The following SHANK2 variants were observed in gnomAD, a reference collection of about 807,000 sequenced individuals.
The protein encoded by SHANK2 is SH3 and multiple ankyrin repeat domains protein 2.
In SHANK2, 43 loss-of-function variants were observed where a neutral mutation model predicts 133.7. The observed-to-expected ratio is 0.32, with a 90% CI of 0.25 to 0.41. The LOEUF is 0.41. SHANK2 is among the 10% of genes least tolerant of loss of function. SHANK2 has a pLI of 1.00. For missense variants in SHANK2, 1,994 were observed against 2,235.8 expected (o/e 0.89, Z 2.18); for synonymous variants, 1,017 against 952.8 (o/e 1.07, Z -1.24).
At chr11:71,204,421 A>T (rs1302314279) in intron 2 of SHANK2, among the ~76,000 whole-genome samples, 4 of 152,122 alleles carry the variant, frequency 2.6e-5, no homozygotes, top group African/African-American at 9.7e-5. Flanking sequence ...CTGCCTCTGT[A>T]AAGTGAGCCT....
rs112067938 is a variant in SHANK2 at position 70,944,087 on chromosome 11, G to A, written c.1108-47520C>T. On this transcript the variant is annotated intron_variant, in intron 10 of 25. Coordinates refer to ENST00000601538, the MANE Select transcript of SHANK2 (RefSeq NM_012309.5). ...CTTGTCCACAGCAAGGTAGGCAGTC[G>A]ACTGCAATTCTATTTCCCTCGAGTA... 2.4e-3 allele frequency: 938 copies of A among 395,050 alleles called. 7 individuals are homozygous for A. The highest frequency in any genetic ancestry group is 0.018 in the African/African-American group (867 of 47,922). The allele number at this position is 395,050 out of a possible 1,614,324, so 24.5% of individuals were successfully genotyped here. A position where few individuals can be genotyped will look rare whatever the true frequency, so the allele number is the denominator to read the frequency against.
At chr11:70,745,585 C>T (rs1555035823) in intron 14 of SHANK2, among the ~76,000 whole-genome samples, 3 of 152,198 alleles carry the variant, frequency 2.0e-5, no homozygotes, top group South Asian at 4.1e-4. Context: ...GCTGGCCTGG[C>T]CTGAGGTAAG....
intron 17 of SHANK2, among the ~76,000 whole-genome samples, chr11:70,615,551 A>G (rs1169140333): frequency 6.6e-6 from 1 of 152,178 alleles, no homozygotes; most frequent in African/African-American, 2.4e-5. Context: ...GCAAGGGAGC[A>G]CATGCAGTCA....
In SHANK2 at chr11:71,163,093, A is replaced by AAAAC; in HGVS notation, c.-12-15756_-12-15755insGTTT. 5.9e-5 allele frequency among the ~76,000 whole-genome samples: 5 copies of AAAAC among 84,676 alleles called. 1 individual carries two copies. The highest frequency in any genetic ancestry group is 1.0e-4 in the Non-Finnish European group (4 of 39,568). The allele number at this position is 84,676 out of a possible 152,430, so 55.6% of individuals were successfully genotyped here. A position where few individuals can be genotyped will look rare whatever the true frequency, so the allele number is the denominator to read the frequency against. On this transcript the variant is annotated intron_variant, in intron 2 of 25. Transcript: ENST00000601538. The stretch of plus-strand genomic sequence containing the variant: ...GTCTAAAAAAAAAAAAAAAAAAAAA[A>AAAAC]ATACATATATATATATATACAGAAT...
rs925182981 is a variant in SHANK2, at chr11:70,620,406, G to A, written c.2061+39422C>T. ...GGAGATTTTGGTGGCTGTCCATGAA[G>A]TACTTAATTAAGCAGAACAGGTAAT... is the stretch of plus-strand genomic sequence containing the variant. On this transcript the variant is annotated intron_variant, in intron 17 of 25. Coordinates refer to ENST00000601538, the MANE Select transcript of SHANK2 (RefSeq NM_012309.5). 1.9e-4 allele frequency among the ~76,000 whole-genome samples: 29 copies of A among 152,218 alleles called. 1 individual carries two copies. The highest frequency in any genetic ancestry group is 6.5e-5 in the Admixed American group (1 of 15,284).
At chr11:70,512,679 G>T (rs1169478186) in intron 17 of SHANK2, among the ~76,000 whole-genome samples, 2 of 152,108 alleles carry the variant, frequency 1.3e-5, no homozygotes, top group Non-Finnish European at 2.9e-5. Context: ...GATCTGCACT[G>T]AACAACCAGG....
chr11:70,789,103 G>T (rs1188007156), intron 14 of SHANK2, among the ~76,000 whole-genome samples: 1 of 152,136 alleles, frequency 6.6e-6, no homozygotes, highest in Admixed American at 6.5e-5. Context: ...TCCACGGCAG[G>T]GATTCTGAAT....
At chr11:70,507,462 C>T (rs1176754332) in intron 17 of SHANK2, among the ~76,000 whole-genome samples, 1 of 152,194 alleles carries the variant, frequency 6.6e-6, no homozygotes, top group African/African-American at 2.4e-5. Context: ...GCTCAGATCT[C>T]AAAACACATT....
intron 2 of SHANK2, among the ~76,000 whole-genome samples, chr11:71,215,872 C>T (rs1555119761): frequency 6.6e-6 from 1 of 152,236 alleles, no homozygotes; most frequent in Non-Finnish European, 1.5e-5. Flanking sequence ...CTACCACCAC[C>T]TTGGGCACAT....
chr11:71,080,614 A>C (rs999132532), intron 8 of SHANK2, among the ~76,000 whole-genome samples: 3 of 152,114 alleles, frequency 2.0e-5, no homozygotes, highest in Admixed American at 2.0e-4. Context: ...TCCCAACCAC[A>C]CTTAGGCATT....
intron 9 of SHANK2, among the ~76,000 whole-genome samples, chr11:71,071,452 G>A (rs999311385): frequency 1.3e-5 from 2 of 152,222 alleles, no homozygotes; most frequent in South Asian, 2.1e-4. Context: ...ATATCCACAC[G>A]TGCTTCCTCT....
intron 12 of SHANK2, among the ~76,000 whole-genome samples, chr11:70,814,779 T>TC (rs1948354883): frequency 6.6e-6 from 1 of 152,212 alleles, no homozygotes; most frequent in East Asian, 1.9e-4. Context: ...AGTCCTTCTT[T>TC]CCTGCTGAGC....
At chr11:70,695,034 G>A (rs1295608362) in intron 15 of SHANK2, among the ~76,000 whole-genome samples, 4 of 152,176 alleles carry the variant, frequency 2.6e-5, no homozygotes, top group African/African-American at 7.2e-5. Context: ...AGCTCAGACA[G>A]TCAGGGATGA....
intron 14 of SHANK2, among the ~76,000 whole-genome samples, chr11:70,790,244 G>C (rs1414129193): frequency 6.6e-6 from 1 of 152,204 alleles, no homozygotes; most frequent in Non-Finnish European, 1.5e-5. Context: ...AGATGCGGAA[G>C]GCAGTCAAGT....
At chr11:71,113,387 G>A (rs1438455665) in intron 4 of SHANK2, 23 bp from the exon 5 acceptor site, 14 of 1,549,366 alleles carry the variant, frequency 9.0e-6, no homozygotes, top group Non-Finnish European at 1.0e-5. Flanking sequence ...ACAAAAAAGA[G>A]AGAGAAAACA....
chr11:70,755,283 G>T (rs1946843548), intron 14 of SHANK2, among the ~76,000 whole-genome samples: 1 of 152,150 alleles, frequency 6.6e-6, no homozygotes, highest in Non-Finnish European at 1.5e-5. Context: ...TGTTGGCCAG[G>T]CTGGTCTCGA....
intron 11 of SHANK2, among the ~76,000 whole-genome samples, chr11:70,886,074 C>T (rs371681619): frequency 3.3e-5 from 5 of 152,152 alleles, no homozygotes; most frequent in African/African-American, 7.2e-5. Flanking sequence ...ACCAGCAGCC[C>T]GGCATGCGGA....
intron 17 of SHANK2, among the ~76,000 whole-genome samples, chr11:70,582,012 T>TA (rs2136226994): frequency 6.6e-6 from 1 of 152,290 alleles, no homozygotes; most frequent in Admixed American, 6.5e-5. Context: ...CTGCCTCCCC[T>TA]AGGAGCTGCT....
chr11:70,891,418 C>T (rs569064561), intron 11 of SHANK2, among the ~76,000 whole-genome samples: 16 of 152,218 alleles, frequency 1.1e-4, no homozygotes, highest in Non-Finnish European at 1.8e-4. Flanking sequence ...AAGAGAATGG[C>T]GTGAACCCGG....
Sources: gnomAD v4.1 joint callset for allele counts (sites outside exome capture counted in the v4.1 genomes callset) on GRCh38, gnomAD v4.1.1 for gene constraint, MANE v1.5 for transcripts, NCBI Gene and HGNC (gene_info 2026-07-23, HGNC 2026-07-21) for gene names.